NPAT: variants seen among roughly 807,000 people sequenced by gnomAD.
NPAT encodes the protein protein NPAT.
In NPAT, 52 loss-of-function variants were observed where a neutral mutation model predicts 130.7. The ratio of observed to expected loss-of-function variants is 0.40; its 90% confidence interval spans 0.32 to 0.50. NPAT has a LOEUF of 0.50. Ranked by LOEUF, NPAT falls within the 20% of genes least tolerant of loss-of-function variation. The pLI is 0.68. For missense variants in NPAT, 1,687 were observed against 1,662.6 expected, an observed-to-expected ratio of 1.01 and a Z score of -0.26; for synonymous variants, 580 against 584.8, an observed-to-expected ratio of 0.99 and a Z score of 0.12.
At chr11:108,169,154 G>A (rs944221651) in intron 15 of NPAT, among the ~76,000 whole-genome samples, 3 of 152,198 alleles carry the variant, frequency 2.0e-5, no homozygotes, top group Non-Finnish European at 2.9e-5. Context: ...AGAGGAAAAT[G>A]TGTTTTAAGA....
chr11:108,199,259 G>A (rs1223215398), intron 1 of NPAT, among the ~76,000 whole-genome samples: 4 of 152,190 alleles, frequency 2.6e-5, no homozygotes, highest in Non-Finnish European at 4.4e-5. Context: ...TCACCCAGAC[G>A]CCGGCTCCCA....
chr11:108,182,584 G>A (rs1476210011), intron 10 of NPAT, among the ~76,000 whole-genome samples: 1 of 152,220 alleles, frequency 6.6e-6, no homozygotes, highest in Non-Finnish European at 1.5e-5. Context: ...TGCAAACTCC[G>A]CCTCCCGGGT....
intron 13 of NPAT, 26 bp from the exon 14 acceptor site, chr11:108,170,069 A>G (rs1301941476): frequency 6.8e-7 from 1 of 1,477,766 alleles, no homozygotes; most frequent in South Asian, 1.1e-5. Context: ...TTGTTAAAAA[A>G]AGATTTTCTC....
intron 1 of NPAT, among the ~76,000 whole-genome samples, chr11:108,208,854 T>C (rs1454374504): frequency 6.6e-6 from 1 of 152,174 alleles, no homozygotes; most frequent in African/African-American, 2.4e-5. Context: ...ATAATACACA[T>C]TTTTCTCAAG....
At chr11:108,184,389 A>G (rs1286560408) in intron 10 of NPAT, among the ~76,000 whole-genome samples, 2 of 151,442 alleles carry the variant, frequency 1.3e-5, no homozygotes, top group African/African-American at 4.9e-5. Flanking sequence ...GAAGAATGGC[A>G]TGAACCTGGG....
chr11:108,168,411 T>C (rs1388849095), intron 15 of NPAT, among the ~76,000 whole-genome samples: 1 of 152,162 alleles, frequency 6.6e-6, no homozygotes, highest in Non-Finnish European at 1.5e-5. Flanking sequence ...ATAGAGTAGC[T>C]ATAACAGGAC....
chr11:108,161,118 CCT>C lies in NPAT; in HGVS notation c.3966_3967del (p.Gly1323LysfsTer2). 1.2e-6 allele frequency: 2 copies of C among 1,614,226 alleles called. No individual in the cohort carries two copies. Among genetic ancestry groups the C allele is most frequent in the Non-Finnish European group, 1.7e-6 (2 of 1,180,036 alleles). ...AGCCATATTTACACTGTTTTCACTTCCTGTTTCACTGGCAGGGCTGCAGGCAG... is the reference window on the plus strand; with the variant it reads ...AGCCATATTTACACTGTTTTCACTTCGTTTCACTGGCAGGGCTGCAGGCAG... On this transcript the variant is annotated frameshift_variant, in exon 17 of 18. Transcript: ENST00000278612. LOFTEE classifies it high-confidence loss of function.
At chr11:108,186,636 T>C in intron 7 of NPAT, 67 bp from the exon 8 acceptor site, 2 of 1,275,440 alleles carry the variant, frequency 1.6e-6, no homozygotes. Context: ...TAAATACATA[T>C]ACAGACATAA....
chr11:108,206,945 C>T (rs1388001072), intron 1 of NPAT, among the ~76,000 whole-genome samples: 1 of 152,176 alleles, frequency 6.6e-6, no homozygotes, highest in Non-Finnish European at 1.5e-5. Flanking sequence ...CTCCTTTCTG[C>T]AGTGCCTTTC....
rs1208509507 is a variant in NPAT at position 108,169,861 on chromosome 11, G to T, written c.2902-9C>A. Reference sequence around the variant, plus strand: ...AAAGGCATATGAAGAACCTGGAAGAGAAAAAGCCATTAATTACACTAAGCT... The same window carrying T: ...AAAGGCATATGAAGAACCTGGAAGATAAAAAGCCATTAATTACACTAAGCT... On this transcript the variant is annotated splice_polypyrimidine_tract_variant and intron_variant, in intron 14 of 17. Transcript: ENST00000278612. The T allele has an allele frequency of 6.2e-7, 1 of 1,612,148 alleles. No individual in the cohort carries two copies. The highest frequency in any genetic ancestry group is 8.5e-7 in the Non-Finnish European group (1 of 1,178,334).
In NPAT at chr11:108,169,822, A is replaced by C; in HGVS notation, c.2932T>G (p.Cys978Gly). 6.2e-7 allele frequency: 1 copy of C among 1,614,066 alleles called. No individual in the cohort carries two copies. Residue 978 changes from cysteine to glycine, a missense_variant, in exon 15 of 18, where the codon TGC becomes GGC. Cys to Gly is a radical substitution (Grantham distance 159). This residue lies in a region of NPAT where 1,379 missense variants were observed against 1,346.6 expected (regional missense o/e 1.02). Coordinates refer to ENST00000278612, the MANE Select transcript of NPAT (RefSeq NM_002519.3). ...VLHMPLTAPVCNRSIPQFPVP... is the reference protein window; with the variant it reads ...VLHMPLTAPVGNRSIPQFPVP... ...GGGAATTGAGGGATACTTCTATTGC[A>C]TACAGGTGCTGTCAAAGGCATATGA...
chr11:108,164,759 C>G (rs573601375), intron 15 of NPAT, among the ~76,000 whole-genome samples: 1 of 152,274 alleles, frequency 6.6e-6, no homozygotes, highest in African/African-American at 2.4e-5. Flanking sequence ...TGCCTGTAAT[C>G]CCAGCACTTT....
At chr11:108,198,771 C>G (rs1011067195) in intron 1 of NPAT, among the ~76,000 whole-genome samples, 1 of 152,192 alleles carries the variant, frequency 6.6e-6, no homozygotes, top group Admixed American at 6.5e-5. Context: ...TTTGGAATCC[C>G]CTCTCACATG....
chr11:108,173,358 T>C lies in NPAT; in HGVS notation c.1626A>G (p.Gly542=). ...AAAATTGACTTTTTTTAGATGGCTT[T>C]CCAGTTAATGAAGTATCTTGGGATA... is the stretch of plus-strand genomic sequence containing the variant. ...QLLSQDTSLT[G]KPSKKSQFCE... The change falls in exon 13 of 18, where the codon GGA becomes GGG. Residue 542 remains glycine (G), a synonymous_variant. Transcript: ENST00000278612. 1.2e-6 allele frequency: 2 copies of C among 1,613,682 alleles called. No individual in the cohort carries two copies. The highest frequency in any genetic ancestry group is 1.7e-6 in the Non-Finnish European group (2 of 1,179,648).
intron 1 of NPAT, among the ~76,000 whole-genome samples, chr11:108,202,966 C>T (rs1013333893): frequency 6.6e-6 from 1 of 152,072 alleles, no homozygotes; most frequent in Non-Finnish European, 1.5e-5. Flanking sequence ...GGCTGTCACC[C>T]GGGGGTCTCA....
intron 1 of NPAT, among the ~76,000 whole-genome samples, chr11:108,209,537 CTG>C (rs895154967): frequency 6.6e-5 from 10 of 152,198 alleles, no homozygotes; most frequent in African/African-American, 2.4e-4. Context: ...GGGCAACAGA[CTG>C]AGATCTTGTC....
rs1486355776 is a variant in NPAT, at chr11:108,189,347, T to C, written c.332-17A>G. The C allele has an allele frequency of 1.9e-6, 3 of 1,612,440 alleles. No homozygotes were observed. The highest frequency in any genetic ancestry group is 8.5e-7 in the Non-Finnish European group (1 of 1,178,480). ...TCGTTCGGGCTGAAACATATAAGCA[T>C]TTAAAAAACAAATTCAACGTCAGGG... On this transcript the variant is annotated splice_polypyrimidine_tract_variant and intron_variant, in intron 5 of 17. Transcript: ENST00000278612.
At chr11:108,159,934 C>T (rs1254198779) in intron 17 of NPAT, among the ~76,000 whole-genome samples, 3 of 151,616 alleles carry the variant, frequency 2.0e-5, no homozygotes, top group Non-Finnish European at 4.4e-5. Flanking sequence ...GGGTGGATCA[C>T]AAGGTCAGGA....
chr11:108,198,055 C>A lies in NPAT; in HGVS notation c.38-635G>T, dbSNP rs147816145. ...CATGCCCCAAAGCACACACAGACCC[C>A]CTTGGCAAACAATGGGATATTAATT... On this transcript the variant is annotated intron_variant, in intron 1 of 17. Coordinates refer to ENST00000278612, the MANE Select transcript of NPAT (RefSeq NM_002519.3). Among the ~76,000 whole-genome samples the A allele has an allele frequency of 2.3e-4, 35 of 152,310 alleles. 1 individual carries two copies. Among genetic ancestry groups the A allele is most frequent in the African/African-American group, 7.2e-4 (30 of 41,562 alleles).
Sources: gnomAD v4.1 joint callset for allele counts (sites outside exome capture counted in the v4.1 genomes callset) on GRCh38, gnomAD v4.1.1 for gene constraint, gnomAD v4.1.1 regional missense constraint, MANE v1.5 for transcripts, NCBI Gene and HGNC (gene_info 2026-07-23, HGNC 2026-07-21) for gene names.